Variants in COL15A1 observed in about 807,000 individuals in gnomAD.
COL15A1 encodes the protein collagen alpha-1(XV) chain.
Under a neutral mutation model 165.9 loss-of-function variants are expected in COL15A1, and 111 were observed. The observed-to-expected ratio is 0.67, with a 90% CI of 0.57 to 0.78. The LOEUF is 0.78. COL15A1 is among the 30% of genes least tolerant of loss of function. The pLI is 0.00. For missense variants in COL15A1, 1,745 were observed against 1,789.7 expected (o/e 0.98, Z 0.45); for synonymous variants, 659 against 674.8 (o/e 0.98, Z 0.36).
intron 2 of COL15A1, among the ~76,000 whole-genome samples, chr9:98,969,199 A>G (rs1300006695): frequency 2.6e-5 from 4 of 152,218 alleles, no homozygotes; most frequent in Non-Finnish European, 4.4e-5. Flanking sequence ...AATTCTAAGC[A>G]GTAATTTATG....
At chr9:98,949,955 T>C (rs1329065510) in intron 2 of COL15A1, among the ~76,000 whole-genome samples, 1 of 152,246 alleles carries the variant, frequency 6.6e-6, no homozygotes, top group African/African-American at 2.4e-5. Flanking sequence ...ACCTATTGTG[T>C]CTGACTTCTT....
intron 32 of COL15A1, 134 bp from the exon 33 acceptor site, chr9:99,054,968 C>A: frequency 1.2e-6 from 1 of 821,480 alleles, no homozygotes; most frequent in Non-Finnish European, 2.1e-6. Flanking sequence ...TTTCTGCTTC[C>A]AAGCAGACTC....
At position 99,015,990 on chromosome 9, in the gene COL15A1, A is replaced by C. The variant is rs35250850; in HGVS notation, c.1518A>C (p.Glu506Asp). ...ERAVTSGPGD[E>D]EDLAAATTEE... The stretch of plus-strand genomic sequence containing the variant: ...TTTGTTTTCAGGGTCCTGGTGATGA[A>C]GAAGACTTGGCAGCAGCCACAACAG... The change falls in exon 11 of 42, where the codon GAA becomes GAC. Residue 506 changes from glutamate (E) to aspartate (D), a missense_variant. Physicochemically the swap from Glu to Asp is conservative, Grantham distance 45 (BLOSUM62 2). Coordinates refer to ENST00000375001, the MANE Select transcript of COL15A1 (RefSeq NM_001855.5). 127,191 of 1,613,362 alleles carry C rather than the reference A, an allele frequency of 0.079. 5,458 individuals are homozygous for C. Among genetic ancestry groups the C allele is most frequent in the African/African-American group, 0.093 (6,979 of 75,014 alleles).
chr9:98,950,309 T>TTCC (rs2118751972), intron 2 of COL15A1, among the ~76,000 whole-genome samples: 1 of 152,364 alleles, frequency 6.6e-6, no homozygotes, highest in South Asian at 2.1e-4. Flanking sequence ...ACCAGCAATG[T>TTCC]ATGAGGGCTT....
At chr9:98,998,756 G>A (rs1838593269) in intron 6 of COL15A1, among the ~76,000 whole-genome samples, 1 of 152,190 alleles carries the variant, frequency 6.6e-6, no homozygotes, top group Non-Finnish European at 1.5e-5. Flanking sequence ...TCCACGTGGG[G>A]ACTGGGCTCT....
At chr9:99,027,810 T>G (rs1253455371) in intron 16 of COL15A1, among the ~76,000 whole-genome samples, 1 of 152,212 alleles carries the variant, frequency 6.6e-6, no homozygotes, top group African/African-American at 2.4e-5. Flanking sequence ...ACTTGGAAAT[T>G]TGCATCTGGA....
rs780795621 is a variant in COL15A1, at chr9:99,023,373, A to T, written c.1778A>T (p.Glu593Val). 2 of 1,609,278 alleles carry T rather than the reference A, an allele frequency of 1.2e-6. No individual in the cohort carries two copies. The highest frequency in any genetic ancestry group is 1.7e-6 in the Non-Finnish European group (2 of 1,177,198). ...TCTTTCCAGGCAGGAGCAGAAGCAGAGGGCTCTGGCCTAGGCTGGGGCTCG... is the reference window on the plus strand; with the variant it reads ...TCTTTCCAGGCAGGAGCAGAAGCAGTGGGCTCTGGCCTAGGCTGGGGCTCG... The part of the protein sequence containing the change: ...PVGPTAGAEA[E>V]GSGLGWGSDV... Residue 593 changes from glutamate (E) to valine (V), a missense_variant, in exon 14 of 42, where the codon GAG becomes GTG. Coordinates refer to ENST00000375001, the MANE Select transcript of COL15A1 (RefSeq NM_001855.5).
Position 99,036,352 on chromosome 9 carries a change from C to T in COL15A1, c.2365C>T (p.Pro789Ser). 1 of 1,614,118 alleles carries T rather than the reference C, an allele frequency of 6.2e-7. No homozygotes were observed. The highest frequency in any genetic ancestry group is 8.5e-7 in the Non-Finnish European group (1 of 1,180,034). The change falls in exon 21 of 42, where the codon CCT (proline) becomes TCT (serine). Residue 789 changes from proline to serine, a missense_variant. By Grantham distance (74) the Pro-to-Ser change is moderately conservative (BLOSUM62 -1). Transcript: ENST00000375001. ...GGATGGAGCCAGTATTGTGGGACCC[C>T]CTGGGCCGAGAGGGCCACCTGGGCA... ...GMDGASIVGP[P>S]GPRGPPGHIK... is the part of the protein sequence containing the mutation.
rs115233542 is a variant in COL15A1 at position 99,031,890 on chromosome 9, G to C, written c.2044-2659G>C. On this transcript the variant is annotated intron_variant, in intron 16 of 41. Transcript: ENST00000375001. ...TCCTCCAGTCATATTTTCACAGACTGTCTGTAGATGGCAAACTTTCTGAGA... is the reference window on the plus strand; with the variant it reads ...TCCTCCAGTCATATTTTCACAGACTCTCTGTAGATGGCAAACTTTCTGAGA... Among the ~76,000 whole-genome samples the C allele has an allele frequency of 1.4e-3, 211 of 152,202 alleles. 1 individual carries two copies. The highest frequency in any genetic ancestry group is 4.4e-3 in the African/African-American group (182 of 41,524).
At chr9:99,038,043 A>G (rs936946993) in intron 21 of COL15A1, among the ~76,000 whole-genome samples, 2 of 152,148 alleles carry the variant, frequency 1.3e-5, no homozygotes, top group Admixed American at 1.3e-4. Flanking sequence ...GAGAGAAATA[A>G]CATCATGCTG....
In COL15A1 at chr9:99,022,634, C is replaced by T. The variant is rs370339490; in HGVS notation, c.1761+484C>T. On this transcript the variant is annotated intron_variant, in intron 13 of 41. Transcript: ENST00000375001. ...CCTCCATGTCACCACTTCCCTTCCC[C>T]CACACACATGTTCCCACCACTGTGA... Among the ~76,000 whole-genome samples, 123 of 152,298 alleles carry T rather than the reference C, an allele frequency of 8.1e-4. 1 individual carries two copies. Among genetic ancestry groups the T allele is most frequent in the African/African-American group, 2.8e-3 (117 of 41,570 alleles).
In COL15A1 at chr9:99,070,633, A is replaced by T. The variant is rs1445723607; in HGVS notation, c.*747A>T. On this transcript the variant is annotated 3_prime_UTR_variant, in exon 42 of 42. Coordinates refer to ENST00000375001, the MANE Select transcript of COL15A1 (RefSeq NM_001855.5). The stretch of plus-strand genomic sequence containing the variant: ...CCAACCCCCACCCCACAATTTTATG[A>T]CTTCCATTTGGCAATTGTTGAATTA... 1 of 454,060 alleles carries T rather than the reference A, an allele frequency of 2.2e-6. No individual in the cohort carries two copies. The highest frequency in any genetic ancestry group is 2.4e-5 in the Admixed American group (1 of 42,022). 28.1% of individuals were successfully genotyped at this position (454,060 alleles called of 1,614,324 possible).
intron 30 of COL15A1, 84 bp from the exon 31 acceptor site, chr9:99,052,304 A>G: frequency 2.0e-6 from 2 of 1,009,760 alleles, no homozygotes; most frequent in Non-Finnish European, 3.2e-6. Flanking sequence ...CTTTTGTCAC[A>G]TGCCCCCGGG....
At chr9:98,955,258 C>T (rs1013739970) in intron 2 of COL15A1, among the ~76,000 whole-genome samples, 2 of 152,186 alleles carry the variant, frequency 1.3e-5, no homozygotes, top group African/African-American at 4.8e-5. Flanking sequence ...GAGAGGGACT[C>T]CTTGTCTTCC....
Position 99,069,981 on chromosome 9 carries a change from G to T in COL15A1, c.*95G>T. ...ATGTTTAATTGTTGTAAATATTACA[G>T]TTTTTTTTTTTTACTACATATTCTT... is the stretch of plus-strand genomic sequence containing the variant. On this transcript the variant is annotated 3_prime_UTR_variant, in exon 42 of 42. Transcript: ENST00000375001. The T allele has an allele frequency of 1.6e-5, 13 of 788,518 alleles. No individual in the cohort carries two copies. Among genetic ancestry groups the T allele is most frequent in the Non-Finnish European group, 2.5e-5 (13 of 526,372 alleles). 48.8% of individuals were successfully genotyped at this position (788,518 alleles called of 1,614,324 possible). A position where few individuals can be genotyped will look rare whatever the true frequency, so the allele number is the denominator to read the frequency against.
chr9:99,048,497 G>A (rs996821020), intron 28 of COL15A1, among the ~76,000 whole-genome samples: 1 of 152,130 alleles, frequency 6.6e-6, no homozygotes, highest in Non-Finnish European at 1.5e-5. Context: ...CAGCTGCTGT[G>A]TACCAGACAC....
chr9:98,958,924 T>C (rs4743297), intron 2 of COL15A1, among the ~76,000 whole-genome samples: 44,825 of 151,890 alleles, frequency 0.3, 7,195 homozygotes, highest in Non-Finnish European at 0.37. Context: ...TTGGAAGCCA[T>C]GGCTGATGCG....
chr9:98,953,988 G>A (rs778466418), intron 2 of COL15A1, among the ~76,000 whole-genome samples: 6 of 152,226 alleles, frequency 3.9e-5, no homozygotes, highest in Non-Finnish European at 7.3e-5. Flanking sequence ...TCTGGAGTAG[G>A]TGGCAGGATG....
chr9:99,037,889 G>A (rs1446208804), intron 21 of COL15A1, among the ~76,000 whole-genome samples: 1 of 152,200 alleles, frequency 6.6e-6, no homozygotes, highest in African/African-American at 2.4e-5. Context: ...GCTCCAGGTC[G>A]AGGGAGCTGA....
Sources: allele counts gnomAD v4.1 joint callset (sites outside exome capture counted in the v4.1 genomes callset), GRCh38; gene constraint gnomAD v4.1.1; transcripts MANE v1.5; gene names NCBI Gene and HGNC (gene_info 2026-07-23, HGNC 2026-07-21).